Variants in ATP2C2 observed in about 807,000 individuals in gnomAD.
ATP2C2 encodes the protein ATPase secretory pathway Ca2+ transporting 2.
A neutral mutation model predicts 110.8 loss-of-function variants in ATP2C2; 171 were observed. The ratio of observed to expected loss-of-function variants is 1.54; its 90% CI spans 1.36 to 1.75. ATP2C2 has a LOEUF of 1.75. ATP2C2 is among the 40% of genes most tolerant of loss of function. The pLI is 0.00. For synonymous variants in ATP2C2, 804 were observed against 508.4 expected (o/e 1.58, Z -7.82); for missense variants, 1,963 against 1,235.0 (o/e 1.59, Z -8.84).
intron 23 of ATP2C2, chr16:84,459,879 T>G (rs892611539): frequency 1.7e-5 from 6 of 352,014 alleles, no homozygotes; most frequent in Non-Finnish European, 3.3e-5. Context: ...ATAAAGGGCT[T>G]GCCACTCAGT....
chr16:84,405,309 C>G, intron 3 of ATP2C2, 65 bp downstream of exon 3: 1 of 1,391,666 alleles, frequency 7.2e-7, no homozygotes. Flanking sequence ...GGCAGCCATT[C>G]CATCTTTCAA....
intron 16 of ATP2C2, among the ~76,000 whole-genome samples, chr16:84,448,102 C>A (rs1909925735): frequency 6.6e-6 from 1 of 152,086 alleles, no homozygotes; most frequent in Non-Finnish European, 1.5e-5. Flanking sequence ...TGTGGCTTCA[C>A]TATTACAAGC....
chr16:84,432,798 G>C (rs1908398184), intron 11 of ATP2C2, among the ~76,000 whole-genome samples: 1 of 152,102 alleles, frequency 6.6e-6, no homozygotes, highest in African/African-American at 2.4e-5. Flanking sequence ...TGGGATTACA[G>C]GTGTGAGCCA....
chr16:84,381,279 A>G (rs1910566385), intron 1 of ATP2C2, among the ~76,000 whole-genome samples: 1 of 152,200 alleles, frequency 6.6e-6, no homozygotes, highest in Non-Finnish European at 1.5e-5. Context: ...GTGGAGTGTC[A>G]TCAGTTAAGG....
At chr16:84,463,060 CGGGA>C (rs1272603864) in intron 26 of ATP2C2, 1 of 156,930 alleles carries the variant, frequency 6.4e-6, no homozygotes, top group Non-Finnish European at 1.4e-5. Flanking sequence ...TTCCACCCGC[CGGGA>C]AGGAAGTCGG....
intron 24 of ATP2C2, chr16:84,461,077 G>T (rs1179137712): frequency 7.1e-6 from 3 of 421,520 alleles, no homozygotes; most frequent in African/African-American, 2.0e-5. Flanking sequence ...TGTACATGAG[G>T]ACAGGCTGCC....
chr16:84,452,127 A>G, intron 18 of ATP2C2, 36 bp downstream of exon 18: 1 of 1,611,950 alleles, frequency 6.2e-7, no homozygotes, highest in African/African-American at 1.3e-5. Context: ...GGACGAAAGG[A>G]CCCATCCATC....
At position 84,425,722 on chromosome 16, in the gene ATP2C2, G is replaced by T. The variant is rs374386789; in HGVS notation, c.920-13G>T. The T allele has an allele frequency of 1.2e-6, 2 of 1,613,782 alleles. No homozygotes were observed. Among genetic ancestry groups the T allele is most frequent in the South Asian group, 2.2e-5 (2 of 91,074 alleles). ...TGCATATGGAGATAAGGATGTTTTTGTCTCTTCCCCAGGTCTCATCATGCT... is the reference window on the plus strand; with the variant it reads ...TGCATATGGAGATAAGGATGTTTTTTTCTCTTCCCCAGGTCTCATCATGCT... On this transcript the variant is annotated splice_polypyrimidine_tract_variant and intron_variant, in intron 10 of 26. Coordinates refer to ENST00000262429, the MANE Select transcript of ATP2C2 (RefSeq NM_014861.4).
At chr16:84,377,669 C>G (rs1237037310) in intron 1 of ATP2C2, among the ~76,000 whole-genome samples, 1 of 152,068 alleles carries the variant, frequency 6.6e-6, no homozygotes, top group Non-Finnish European at 1.5e-5. Context: ...AAGGCCCCAG[C>G]TTTAAATATA....
intron 1 of ATP2C2, among the ~76,000 whole-genome samples, chr16:84,381,654 C>G (rs1910584934): frequency 6.6e-6 from 1 of 152,178 alleles, no homozygotes; most frequent in Non-Finnish European, 1.5e-5. Flanking sequence ...ATGCTGGGCA[C>G]ACTATTCTGC....
At chr16:84,381,083 C>G (rs956764882) in intron 1 of ATP2C2, among the ~76,000 whole-genome samples, 1 of 152,146 alleles carries the variant, frequency 6.6e-6, no homozygotes, top group Non-Finnish European at 1.5e-5. Context: ...TGGGTGCAGG[C>G]GGGCTGAGTC....
chr16:84,433,112 G>A (rs1156245788), intron 11 of ATP2C2, among the ~76,000 whole-genome samples: 6 of 152,200 alleles, frequency 3.9e-5, no homozygotes, highest in Admixed American at 3.9e-4. Context: ...GGGCACAGTG[G>A]CTCACACCTG....
intron 4 of ATP2C2, among the ~76,000 whole-genome samples, chr16:84,409,537 T>C (rs960871688): frequency 1.3e-5 from 2 of 151,924 alleles, no homozygotes; most frequent in Admixed American, 1.3e-4. Context: ...TGAGACAGAG[T>C]CTTGCTGTGT....
chr16:84,463,434 T>G (rs1230425353), intron 26 of ATP2C2, among the ~76,000 whole-genome samples, 180 bp from the exon 27 acceptor site: 5 of 152,116 alleles, frequency 3.3e-5, no homozygotes, highest in Admixed American at 3.3e-4. Flanking sequence ...AGGCAGGCCC[T>G]TCTGGAACTG....
chr16:84,398,062 G>C (rs1905099329), intron 1 of ATP2C2, among the ~76,000 whole-genome samples: 1 of 151,778 alleles, frequency 6.6e-6, no homozygotes, highest in African/African-American at 2.4e-5. Flanking sequence ...GTTAGTTTGT[G>C]AGCTGTACAC....
At chr16:84,429,528 C>A (rs1908081148) in intron 11 of ATP2C2, among the ~76,000 whole-genome samples, 2 of 152,130 alleles carry the variant, frequency 1.3e-5, no homozygotes, top group Non-Finnish European at 2.9e-5. Context: ...CTGTTCGTAT[C>A]ACTTTCATTG....
At chr16:84,431,203 G>C (rs1908247424) in intron 11 of ATP2C2, among the ~76,000 whole-genome samples, 1 of 152,160 alleles carries the variant, frequency 6.6e-6, no homozygotes, top group South Asian at 2.1e-4. Flanking sequence ...GAGATTAAAA[G>C]GGAGGTAGAA....
At chr16:84,440,990 G>A (rs779039517) in intron 14 of ATP2C2, 32 bp downstream of exon 14, 4 of 1,537,222 alleles carry the variant, frequency 2.6e-6, no homozygotes. Flanking sequence ...AGGGAAATAG[G>A]CATTTACATT....
At chr16:84,451,465 C>G (rs953229595) in intron 17 of ATP2C2, among the ~76,000 whole-genome samples, 1 of 152,230 alleles carries the variant, frequency 6.6e-6, no homozygotes, top group East Asian at 1.9e-4. Flanking sequence ...CTGGAGGCAT[C>G]TCTGCCCTCC....
Sources: allele counts gnomAD v4.1 joint callset (sites outside exome capture counted in the v4.1 genomes callset), GRCh38; gene constraint gnomAD v4.1.1; transcripts MANE v1.5; gene names NCBI Gene and HGNC (gene_info 2026-07-23, HGNC 2026-07-21).